Variants in NREP observed in about 807,000 individuals in gnomAD.
The protein encoded by NREP is neuronal regeneration-related protein.
NREP carries 5 observed loss-of-function variants against 8.6 expected under a neutral mutation model. The ratio of observed to expected loss-of-function variants is 0.58; its 90% CI spans 0.30 to 1.22. The LOEUF is 1.22. NREP is among the 50% of genes most tolerant of loss of function. The pLI, the probability that NREP is intolerant of heterozygous loss-of-function variation, is 0.07. For synonymous variants in NREP, 27 were observed against 28.0 expected, an observed-to-expected ratio of 0.96 and a Z score of 0.11; for missense variants, 86 against 82.5, an observed-to-expected ratio of 1.04 and a Z score of -0.17.
intron 2 of NREP, among the ~76,000 whole-genome samples, chr5:111,870,349 A>T (rs1332099333): frequency 6.6e-6 from 1 of 152,162 alleles, no homozygotes; most frequent in Admixed American, 6.6e-5. Flanking sequence ...GAATCACTTG[A>T]GCCCTGAGAG....
intron 2 of NREP, among the ~76,000 whole-genome samples, chr5:111,918,497 T>C (rs1195009993): frequency 6.6e-6 from 1 of 152,190 alleles, no homozygotes; most frequent in East Asian, 1.9e-4. Context: ...AGCATGGTAC[T>C]GGTAGCAAGA....
chr5:111,790,188 A>G (rs186643874), intron 2 of NREP, among the ~76,000 whole-genome samples: 47 of 152,220 alleles, frequency 3.1e-4, no homozygotes, highest in Non-Finnish European at 2.2e-4. Flanking sequence ...AGATATACAC[A>G]TATCAGATTT....
intron 2 of NREP, among the ~76,000 whole-genome samples, chr5:111,771,763 CAA>C (rs367581931): frequency 6.3e-5 from 4 of 63,092 alleles, no homozygotes; most frequent in Admixed American, 1.8e-4. Context: ...AACTCCATCT[CAA>C]AAAAAAAAAA....
intron 2 of NREP, among the ~76,000 whole-genome samples, chr5:111,923,503 G>C (rs919245555): frequency 1.3e-5 from 2 of 152,200 alleles, no homozygotes; most frequent in Admixed American, 1.3e-4. Context: ...TCTACTAGTA[G>C]AGTCTGGTAT....
chr5:111,864,022 A>G (rs1426469545), intron 2 of NREP, among the ~76,000 whole-genome samples: 1 of 152,174 alleles, frequency 6.6e-6, no homozygotes, highest in Non-Finnish European at 1.5e-5. Flanking sequence ...CAAAGATTCA[A>G]GAGAATGAGT....
intron 2 of NREP, among the ~76,000 whole-genome samples, chr5:111,822,678 TA>T: frequency 6.6e-6 from 1 of 152,196 alleles, no homozygotes; most frequent in Admixed American, 6.5e-5. Context: ...CTTTCATGGA[TA>T]ATGTCCACCA....
intron 2 of NREP, among the ~76,000 whole-genome samples, chr5:111,788,283 G>A (rs531576421): frequency 1.3e-5 from 2 of 152,254 alleles, no homozygotes; most frequent in Admixed American, 6.5e-5. Flanking sequence ...TAAATTGTTT[G>A]CATTTCTGGT....
At position 111,847,065 on chromosome 5, in the gene NREP, G is replaced by A. The variant is rs1753194027; in HGVS notation, c.136-111558C>T. Reference sequence around the variant, plus strand: ...TATGAGAAAGACCTAAGCTGCTTCAGTTCCATGAGGCTACTGACACATATT... The same window carrying A: ...TATGAGAAAGACCTAAGCTGCTTCAATTCCATGAGGCTACTGACACATATT... On this transcript the variant is annotated intron_variant, in intron 2 of 3. Coordinates refer to the NREP transcript ENST00000395634. 2.0e-5 allele frequency among the ~76,000 whole-genome samples: 3 copies of A among 151,936 alleles called. No homozygotes were observed. The South Asian group carries it at 6.2e-4, about 32-fold the overall frequency.
At chr5:111,731,716 G>C (rs541029126) in intron 3 of NREP, 64 of 152,304 alleles carry the variant, frequency 4.2e-4, no homozygotes, top group African/African-American at 1.5e-3. Context: ...CATCTAGACT[G>C]ACTGGGGCTA....
At chr5:111,833,314 C>G (rs1752818517) in intron 2 of NREP, among the ~76,000 whole-genome samples, 2 of 152,228 alleles carry the variant, frequency 1.3e-5, no homozygotes, top group South Asian at 4.2e-4. Flanking sequence ...TGAGAAAAGC[C>G]AATACAAAAT....
chr5:111,879,155 C>T (rs1389851), intron 2 of NREP, among the ~76,000 whole-genome samples: 97,334 of 152,038 alleles, frequency 0.64, 31,742 homozygotes, highest in Non-Finnish European at 0.7. Context: ...TCTTGCTCCC[C>T]CTCTTGCCAT....
chr5:111,976,147 A>T (rs1756957907), intron 1 of NREP, among the ~76,000 whole-genome samples: 1 of 152,200 alleles, frequency 6.6e-6, no homozygotes, highest in African/African-American at 2.4e-5. Context: ...CCATATTATA[A>T]GGAGTAATTA....
In NREP at chr5:111,755,730, T is replaced by C. The variant is rs543509090; in HGVS notation, c.3+40A>G. On this transcript the variant is annotated intron_variant, in intron 2 of 3. Transcript: ENST00000257435. ...TTGATATTTATATGTAACAGACTGGTAAGAAGTACTGAGAATCTCCTCTGA... is the reference window on the plus strand; with the variant it reads ...TTGATATTTATATGTAACAGACTGGCAAGAAGTACTGAGAATCTCCTCTGA... 6.8e-6 allele frequency: 11 copies of C among 1,608,314 alleles called. No individual in the cohort carries two copies. The African/African-American group carries it at 1.2e-4, about 18-fold the overall frequency.
intron 2 of NREP, among the ~76,000 whole-genome samples, chr5:111,947,474 G>T (rs1312234446): frequency 6.6e-6 from 1 of 151,900 alleles, no homozygotes; most frequent in Admixed American, 6.6e-5. Context: ...TATATAAATT[G>T]TATTATGCAA....
At chr5:111,810,042 T>C (rs1752236351) in intron 2 of NREP, among the ~76,000 whole-genome samples, 1 of 151,024 alleles carries the variant, frequency 6.6e-6, no homozygotes, top group Non-Finnish European at 1.5e-5. Flanking sequence ...ACTAATCTCA[T>C]AAAAAAAGAC....
intron 2 of NREP, among the ~76,000 whole-genome samples, chr5:111,778,421 G>C (rs1337164802): frequency 6.6e-6 from 1 of 152,130 alleles, no homozygotes; most frequent in Non-Finnish European, 1.5e-5. Flanking sequence ...TTTAAGTAGT[G>C]TGCTTAACAG....
chr5:111,795,124 T>C (rs1449398192), intron 2 of NREP, among the ~76,000 whole-genome samples: 1 of 152,232 alleles, frequency 6.6e-6, no homozygotes, highest in South Asian at 2.1e-4. Flanking sequence ...CGAAGGGACA[T>C]TGATATTCTT....
intron 2 of NREP, among the ~76,000 whole-genome samples, chr5:111,810,457 T>C (rs1034718565): frequency 1.3e-5 from 2 of 152,200 alleles, no homozygotes; most frequent in Admixed American, 6.5e-5. Context: ...ATGGCCCAGA[T>C]TGGAACCGCC....
chr5:111,958,125 T>C (rs967108273), intron 2 of NREP, among the ~76,000 whole-genome samples: 1 of 151,868 alleles, frequency 6.6e-6, no homozygotes, highest in Admixed American at 6.6e-5. Flanking sequence ...CATTATATCA[T>C]AAAATTTATG....
Sources: allele counts gnomAD v4.1 joint callset (sites outside exome capture counted in the v4.1 genomes callset), GRCh38; gene constraint gnomAD v4.1.1; transcripts MANE v1.5; gene names NCBI Gene and HGNC (gene_info 2026-07-23, HGNC 2026-07-21).